The following PHLDB2 variants were observed in gnomAD, a reference collection of about 807,000 sequenced individuals.
PHLDB2 encodes the protein pleckstrin homology-like domain family B member 2.
A neutral mutation model predicts 123.6 loss-of-function variants in PHLDB2; 71 were observed. The ratio of observed to expected loss-of-function variants is 0.57; its 90% CI spans 0.47 to 0.70. The LOEUF is 0.70. Ranked by LOEUF, PHLDB2 falls within the 30% of genes least tolerant of loss-of-function variation. The probability of loss-of-function intolerance (pLI) is 0.00; values close to 1 mark genes in which losing one functional copy is unlikely to be tolerated. For synonymous variants in PHLDB2, 547 were observed against 541.6 expected (o/e 1.01, Z -0.14); for missense variants, 1,446 against 1,519.5 (o/e 0.95, Z 0.80).
chr3:111,961,903 GAGACTCAGC>G (rs143047768), intron 12 of PHLDB2, 196 bp from the exon 13 acceptor site: 20,170 of 562,338 alleles, frequency 0.036, 643 homozygotes, highest in South Asian at 0.12. Flanking sequence ...TGAGGGGTAA[GAGACTCAGC>G]AGACCACTTC....
At chr3:111,874,328 T>C (rs2065492328) in intron 1 of PHLDB2, among the ~76,000 whole-genome samples, 1 of 152,230 alleles carries the variant, frequency 6.6e-6, no homozygotes, top group Admixed American at 6.5e-5. Flanking sequence ...TTCATAAATG[T>C]GTTTTTCCCT....
intron 8 of PHLDB2, among the ~76,000 whole-genome samples, chr3:111,944,977 T>C (rs529346024): frequency 4.6e-5 from 7 of 152,306 alleles, no homozygotes; most frequent in African/African-American, 1.7e-4. Flanking sequence ...TGGCTGAAAA[T>C]AATGTTTTTA....
chr3:111,918,702 A>G (rs1271681293), intron 3 of PHLDB2, among the ~76,000 whole-genome samples: 1 of 152,232 alleles, frequency 6.6e-6, no homozygotes, highest in Non-Finnish European at 1.5e-5. Context: ...GGAAGATGCC[A>G]CAAGTCTTCT....
intron 1 of PHLDB2, among the ~76,000 whole-genome samples, chr3:111,745,801 G>A (rs201188975): frequency 1.1e-3 from 58 of 52,464 alleles, no homozygotes; most frequent in Non-Finnish European, 2.0e-3. Flanking sequence ...AAAGAAAAGA[G>A]AAAGAAAGAA....
intron 1 of PHLDB2, among the ~76,000 whole-genome samples, chr3:111,783,469 G>A (rs2060561302): frequency 6.6e-6 from 1 of 151,750 alleles, no homozygotes; most frequent in South Asian, 2.1e-4. Context: ...ACACTACTAG[G>A]GAAAAAGAGA....
At chr3:111,770,317 A>AT (rs1167149931) in intron 1 of PHLDB2, among the ~76,000 whole-genome samples, 5 of 152,096 alleles carry the variant, frequency 3.3e-5, no homozygotes, top group African/African-American at 9.6e-5. Context: ...AAAGCTCATT[A>AT]TTTTTTTTCT....
intron 1 of PHLDB2, among the ~76,000 whole-genome samples, chr3:111,818,549 T>C (rs2062208542): frequency 6.6e-6 from 1 of 152,128 alleles, no homozygotes; most frequent in South Asian, 2.1e-4. Context: ...AAGAGTCTGA[T>C]TGGATGACTA....
intron 1 of PHLDB2, among the ~76,000 whole-genome samples, chr3:111,798,026 T>A (rs138570435): frequency 2.6e-5 from 4 of 152,242 alleles, no homozygotes; most frequent in Non-Finnish European, 4.4e-5. Flanking sequence ...CCCAGCTACC[T>A]GGGAGGCTGA....
intron 9 of PHLDB2, 73 bp from the exon 10 acceptor site, chr3:111,948,859 T>G (rs773409222): frequency 2.3e-5 from 34 of 1,467,800 alleles, no homozygotes; most frequent in Non-Finnish European, 3.2e-5. Flanking sequence ...TTCATTGTAC[T>G]GGGAACATTA....
intron 1 of PHLDB2, among the ~76,000 whole-genome samples, chr3:111,826,263 C>T (rs1046657156): frequency 6.6e-6 from 1 of 152,052 alleles, no homozygotes; most frequent in Non-Finnish European, 1.5e-5. Context: ...GAGCCAAGAG[C>T]ATGCCACTGC....
At chr3:111,881,768 CTT>C (rs2065937188) in intron 1 of PHLDB2, among the ~76,000 whole-genome samples, 1 of 121,332 alleles carries the variant, frequency 8.2e-6, no homozygotes, top group African/African-American at 2.9e-5. Flanking sequence ...ACATACCTCA[CTT>C]TTCTTTTTTT....
intron 15 of PHLDB2, among the ~76,000 whole-genome samples, chr3:111,969,018 C>T (rs989024854): frequency 5.9e-5 from 9 of 152,142 alleles, no homozygotes; most frequent in African/African-American, 2.2e-4. Context: ...CTAGATTGGA[C>T]GGGCTTTCAT....
chr3:111,894,944 G>A (rs1420558305), intron 2 of PHLDB2, among the ~76,000 whole-genome samples: 1 of 151,612 alleles, frequency 6.6e-6, no homozygotes, highest in Non-Finnish European at 1.5e-5. Context: ...GTGTGTGTGT[G>A]TGTGTATGTA....
At chr3:111,968,519 A>G (rs1461827345) in intron 15 of PHLDB2, among the ~76,000 whole-genome samples, 2 of 152,254 alleles carry the variant, frequency 1.3e-5, no homozygotes, top group African/African-American at 2.4e-5. Flanking sequence ...AGCAACTAAC[A>G]TAAAGTTTTG....
chr3:111,965,009 C>T (rs11928983), intron 13 of PHLDB2, among the ~76,000 whole-genome samples: 25,596 of 152,066 alleles, frequency 0.17, 2,486 homozygotes, highest in African/African-American at 0.25. Flanking sequence ...TGCCCTTATA[C>T]GTCCTGCATG....
rs1559854959 is a variant in PHLDB2 at position 111,830,959 on chromosome 3, A to AGAGAG, written c.-48-14862_-48-14861insGAGAG. On this transcript the variant is annotated intron_variant, in intron 1 of 17. Coordinates refer to the PHLDB2 transcript ENST00000393923. ...GAAAAGAAGGAAAGAAAGAAAGAGA[A>AGAGAG]AGAAAGAAAGAAAGAAAGAAAGAAA... 2.7e-3 allele frequency among the ~76,000 whole-genome samples: 82 copies of AGAGAG among 30,574 alleles called. 1 individual carries two copies. The highest frequency in any genetic ancestry group is 4.2e-3 in the Non-Finnish European group (64 of 15,124). The allele number at this position is 30,574 out of a possible 152,430, so 20.1% of individuals were successfully genotyped here.
In PHLDB2 at chr3:111,884,587, G is replaced by C; in HGVS notation, c.510G>C (p.Arg170=). ...ACTCTCTTGGAGGGCTGGAAGGTCG[G>C]AAGGCATCTGGCTCGCTCCTGGCCA... ...NVYSLGGLEG[R]KASGSLLAMW... is the part of the protein sequence containing the mutation. Residue 170 remains arginine, a synonymous_variant, in exon 2 of 18, where the codon CGG becomes CGC. Transcript: ENST00000431670. The C allele has an allele frequency of 6.2e-7, 1 of 1,614,136 alleles. No individual in the cohort carries two copies. Among genetic ancestry groups the C allele is most frequent in the Non-Finnish European group, 8.5e-7 (1 of 1,180,020 alleles).
In PHLDB2 at chr3:111,940,623, A is replaced by C. The variant is rs777219962; in HGVS notation, c.2375A>C (p.Asn792Thr). ...GATCATTTTGTGAAAGAAAAGAATAATTTAATAATGATGTTGCAAAGAGTA... is the reference window on the plus strand; with the variant it reads ...GATCATTTTGTGAAAGAAAAGAATACTTTAATAATGATGTTGCAAAGAGTA... ...EQDHFVKEKNNLIMMLQREKE... is the reference protein window; with the variant it reads ...EQDHFVKEKNTLIMMLQREKE... The change falls in exon 8 of 18, where the codon AAT (asparagine) becomes ACT (threonine). Residue 792 changes from asparagine (N) to threonine (T), a missense_variant. Around this residue, in one of 3 missense-constraint regions of PHLDB2, gnomAD observed 594 missense variants for 646.0 expected, o/e 0.92. Coordinates refer to ENST00000431670, the MANE Select transcript of PHLDB2 (RefSeq NM_001134438.2). The C allele has an allele frequency of 3.8e-6, 6 of 1,596,722 alleles. No individual in the cohort carries two copies. In the Admixed American group the frequency reaches 6.8e-5, roughly 18 times the overall value.
intron 1 of PHLDB2, among the ~76,000 whole-genome samples, chr3:111,867,215 G>A (rs1235019643): frequency 6.6e-6 from 1 of 151,726 alleles, no homozygotes; most frequent in Non-Finnish European, 1.5e-5. Flanking sequence ...GTATGATAAA[G>A]AGTTAGTATT....
Sources: allele counts gnomAD v4.1 joint callset (sites outside exome capture counted in the v4.1 genomes callset), GRCh38; gene constraint gnomAD v4.1.1; regional missense constraint gnomAD v4.1.1; transcripts MANE v1.5; gene names NCBI Gene and HGNC (gene_info 2026-07-23, HGNC 2026-07-21).